The following SEC24D variants were observed in gnomAD, a reference collection of about 807,000 sequenced individuals.
The protein encoded by SEC24D is protein transport protein Sec24D.
Under a neutral mutation model 116.9 loss-of-function variants are expected in SEC24D, and 69 were observed. The observed-to-expected ratio is 0.59, with a 90% CI of 0.49 to 0.72. SEC24D has a LOEUF of 0.72. SEC24D is among the 30% of genes least tolerant of loss of function. The pLI, the probability that SEC24D is intolerant of heterozygous loss-of-function variation, is 0.00. For synonymous variants in SEC24D, 405 were observed against 442.8 expected, an observed-to-expected ratio of 0.91 and a Z score of 1.07; for missense variants, 1,131 against 1,264.1, an observed-to-expected ratio of 0.89 and a Z score of 1.60.
chr4:118,814,656 A>C (rs781007780), intron 6 of SEC24D, among the ~76,000 whole-genome samples: 1 of 152,140 alleles, frequency 6.6e-6, no homozygotes, highest in Non-Finnish European at 1.5e-5. Flanking sequence ...TCTCTTATTG[A>C]AAAGGATCCT....
In SEC24D at chr4:118,732,846, G is replaced by C. The variant is rs142692250; in HGVS notation, c.2563C>G (p.Leu855Val). The C allele has an allele frequency of 1.3e-4, 215 of 1,613,894 alleles. No homozygotes were observed. Among genetic ancestry groups the C allele is most frequent in the Non-Finnish European group, 5.2e-5 (61 of 1,179,890 alleles). ...GTTGAGATCTCTGGTCTGCTGAGTA[G>C]TACACAGTTTTTCAACAAGCAATTC... ...YMNCLLKNCV[L>V]LSRPEISTDE... The change falls in exon 20 of 23, where the codon CTA (leucine) becomes GTA (valine). Residue 855 changes from leucine to valine, a missense_variant. Leu to Val is a conservative substitution (Grantham distance 32). Coordinates refer to ENST00000280551, the MANE Select transcript of SEC24D (RefSeq NM_014822.4).
intron 8 of SEC24D, among the ~76,000 whole-genome samples, chr4:118,788,827 T>C (rs533229260): frequency 6.6e-6 from 1 of 152,328 alleles, no homozygotes; most frequent in South Asian, 2.1e-4. Context: ...ATTAGAGGCC[T>C]AAAATACCAA....
rs533961606 is a variant in SEC24D, at chr4:118,822,648, T to C, written c.248+1972A>G. Reference sequence around the variant, plus strand: ...ATATAATAGCATGAACACAGCTCACTGCAGCCTTGACCTCCTGGGCTCAAG... The same window carrying C: ...ATATAATAGCATGAACACAGCTCACCGCAGCCTTGACCTCCTGGGCTCAAG... On this transcript the variant is annotated intron_variant, in intron 3 of 22. Coordinates refer to ENST00000280551, the MANE Select transcript of SEC24D (RefSeq NM_014822.4). Among the ~76,000 whole-genome samples the C allele has an allele frequency of 1.2e-4, 19 of 152,288 alleles. No individual in the cohort carries two copies. In the South Asian group the frequency reaches 3.5e-3, roughly 28 times the overall value.
intron 8 of SEC24D, among the ~76,000 whole-genome samples, chr4:118,784,356 C>T (rs1397029317): frequency 6.6e-6 from 1 of 152,088 alleles, no homozygotes; most frequent in East Asian, 1.9e-4. Context: ...ATTTTCTATG[C>T]TTTTCTGTAA....
chr4:118,732,062 G>A (rs903044493), intron 20 of SEC24D, among the ~76,000 whole-genome samples: 2 of 152,166 alleles, frequency 1.3e-5, no homozygotes, highest in African/African-American at 4.8e-5. Flanking sequence ...GGGGCACACA[G>A]CACTGGGCCA....
intron 8 of SEC24D, among the ~76,000 whole-genome samples, chr4:118,779,499 G>C (rs1273578368): frequency 2.0e-5 from 3 of 152,186 alleles, no homozygotes; most frequent in Non-Finnish European, 4.4e-5. Context: ...GTTGGATTCG[G>C]TTTGCCAGTA....
At chr4:118,786,605 C>T (rs1329685249) in intron 8 of SEC24D, among the ~76,000 whole-genome samples, 1 of 152,172 alleles carries the variant, frequency 6.6e-6, no homozygotes, top group Non-Finnish European at 1.5e-5. Flanking sequence ...GTGAACATGA[C>T]ACATTGCTAA....
chr4:118,757,066 C>T (rs1727133031), intron 11 of SEC24D, among the ~76,000 whole-genome samples: 1 of 152,102 alleles, frequency 6.6e-6, no homozygotes, highest in Non-Finnish European at 1.5e-5. Context: ...GTTTGATTTA[C>T]TTCTTTGTAT....
At position 118,728,585 on chromosome 4, in the gene SEC24D, T is replaced by C; in HGVS notation, c.2934A>G (p.Gln978=). ...CCTTCATTGAATATGGCCTCTTTTG[T>C]TGGATAATACCCATTATCATTCTGA... ...QQLRMIMGII[Q]QKRPYSMKLT... Residue 978 remains glutamine, a synonymous_variant, in exon 22 of 23, where the codon CAA becomes CAG. Coordinates refer to ENST00000280551, the MANE Select transcript of SEC24D (RefSeq NM_014822.4). 1 of 1,605,660 alleles carries C rather than the reference T, an allele frequency of 6.2e-7. No homozygotes were observed. The highest frequency in any genetic ancestry group is 8.5e-7 in the Non-Finnish European group (1 of 1,175,018).
chr4:118,820,469 G>A (rs28459227), intron 3 of SEC24D, among the ~76,000 whole-genome samples: 2,184 of 152,006 alleles, frequency 0.014, 49 homozygotes, highest in African/African-American at 0.049. Context: ...ATGAGCCACC[G>A]CACCCAGCCA....
intron 6 of SEC24D, among the ~76,000 whole-genome samples, chr4:118,810,137 T>TGTGGGG (rs56961502): frequency 1.9e-5 from 2 of 104,280 alleles, no homozygotes; most frequent in Admixed American, 1.1e-4. Flanking sequence ...TGTGTGTGTG[T>TGTGGGG]CAGAGGGTAT....
In SEC24D at chr4:118,819,605, G is replaced by A. The variant is rs183128902; in HGVS notation, c.249-2193C>T. Among the ~76,000 whole-genome samples the A allele has an allele frequency of 8.4e-3, 1,257 of 150,252 alleles. 7 individuals are homozygous for A. The highest frequency in any genetic ancestry group is 0.013 in the Non-Finnish European group (869 of 67,666). ...AATTACACACAGGCAGAATATACAT[G>A]TACTATAGAATATATTCATGGATGC... On this transcript the variant is annotated intron_variant, in intron 3 of 22. Transcript: ENST00000280551.
chr4:118,758,941 A>G (rs1243176823), intron 10 of SEC24D, among the ~76,000 whole-genome samples: 1 of 152,198 alleles, frequency 6.6e-6, no homozygotes, highest in Non-Finnish European at 1.5e-5. Flanking sequence ...ATCATTCCTG[A>G]TTCACACCTA....
At chr4:118,738,224 G>T in intron 19 of SEC24D, 37 bp downstream of exon 19, 1 of 1,372,708 alleles carries the variant, frequency 7.3e-7, no homozygotes, top group Admixed American at 1.7e-5. Context: ...GTAGTCGTTT[G>T]TAACACTTTA....
chr4:118,806,239 C>T (rs1729671869), intron 6 of SEC24D, among the ~76,000 whole-genome samples: 1 of 152,180 alleles, frequency 6.6e-6, no homozygotes, highest in Non-Finnish European at 1.5e-5. Context: ...AATTCTTTAG[C>T]TTCAAATCTG....
chr4:118,788,690 G>A lies in SEC24D; in HGVS notation c.1041+8993C>T, dbSNP rs547413228. 8.9e-4 allele frequency among the ~76,000 whole-genome samples: 136 copies of A among 152,246 alleles called. 4 individuals carry two copies. In the South Asian group the frequency reaches 0.027, roughly 31 times the overall value. ...GTGAACAGGGTTATAAATGAAGTTG[G>A]TAGTCATTTAAAAGACATGAAATAT... On this transcript the variant is annotated intron_variant, in intron 8 of 22. Coordinates refer to ENST00000280551, the MANE Select transcript of SEC24D (RefSeq NM_014822.4).
chr4:118,779,497 C>T (rs574324249), intron 8 of SEC24D, among the ~76,000 whole-genome samples: 129 of 152,210 alleles, frequency 8.5e-4, no homozygotes, highest in African/African-American at 2.8e-3. Context: ...CTGTTGGATT[C>T]GGTTTGCCAG....
At position 118,774,407 on chromosome 4, in the gene SEC24D, G is replaced by A. The variant is rs542528875; in HGVS notation, c.1042-6096C>T. Among the ~76,000 whole-genome samples, 34 of 152,208 alleles carry A rather than the reference G, an allele frequency of 2.2e-4. 1 individual carries two copies. The highest frequency in any genetic ancestry group is 7.7e-4 in the African/African-American group (32 of 41,516). On this transcript the variant is annotated intron_variant, in intron 8 of 22. Coordinates refer to ENST00000280551, the MANE Select transcript of SEC24D (RefSeq NM_014822.4). ...TATCTTTATGATCTTATGGTCACTT[G>A]TAGTTTAAAATGTTCTCATTTATAA...
At chr4:118,826,303 T>C (rs1032013129) in intron 2 of SEC24D, among the ~76,000 whole-genome samples, 45 of 152,272 alleles carry the variant, frequency 3.0e-4, no homozygotes, top group African/African-American at 1.0e-3. Context: ...TTTTCAGAGC[T>C]TCAACTTGTA....
Sources: gnomAD v4.1 joint callset for allele counts (sites outside exome capture counted in the v4.1 genomes callset) on GRCh38, gnomAD v4.1.1 for gene constraint, MANE v1.5 for transcripts, NCBI Gene and HGNC (gene_info 2026-07-23, HGNC 2026-07-21) for gene names.